MEGF11: variants seen among roughly 807,000 people sequenced by gnomAD.
The protein encoded by MEGF11 is multiple EGF like domains 11.
In MEGF11, 126 loss-of-function variants were observed where a neutral mutation model predicts 146.6. That is an observed-to-expected ratio of 0.86 (90% CI 0.74 to 1.00). The LOEUF (loss-of-function observed/expected upper bound fraction) is 1.00. MEGF11 is among the 50% of genes least tolerant of loss of function. The probability of loss-of-function intolerance (pLI) is 0.00; values close to 1 mark genes in which losing one functional copy is unlikely to be tolerated. For missense variants in MEGF11, 1,509 were observed against 1,521.2 expected (o/e 0.99, Z 0.13); for synonymous variants, 532 against 583.4 (o/e 0.91, Z 1.27).
chr15:66,078,501 G>A (rs562389783), intron 5 of MEGF11, among the ~76,000 whole-genome samples: 26 of 152,226 alleles, frequency 1.7e-4, no homozygotes, highest in Non-Finnish European at 2.5e-4. Context: ...GCTGGCTGGC[G>A]CTGACATTCT....
At chr15:66,057,181 C>T (rs1422846798) in intron 5 of MEGF11, among the ~76,000 whole-genome samples, 2 of 152,138 alleles carry the variant, frequency 1.3e-5, no homozygotes, top group East Asian at 3.9e-4. Context: ...ACTCCCTGCT[C>T]CTGAGAATTC....
Position 65,912,205 on chromosome 15 carries a change from GA to G in MEGF11, c.2711-6del. 8.1e-7 allele frequency: 1 copy of G among 1,230,976 alleles called. No individual in the cohort carries two copies. The highest frequency in any genetic ancestry group is 1.0e-6 in the Non-Finnish European group (1 of 986,898). 76.3% of individuals were successfully genotyped at this position (1,230,976 alleles called of 1,614,324 possible). A position where few individuals can be genotyped will look rare whatever the true frequency, so the allele number is the denominator to read the frequency against. On this transcript the variant is annotated splice_region_variant and splice_polypyrimidine_tract_variant and intron_variant, in intron 20 of 25. Transcript: ENST00000395614. ...GGCTGCTACTTTGAGACAAATCTGG[GA>G]AGAGAACAAGGTGCCACATACCATC...
intron 4 of MEGF11, among the ~76,000 whole-genome samples, chr15:66,100,303 C>A (rs2086735966): frequency 6.6e-6 from 1 of 152,320 alleles, no homozygotes; most frequent in Middle Eastern, 3.4e-3. Context: ...CTCCCCCTAC[C>A]TGCTCCTGAC....
intron 10 of MEGF11, among the ~76,000 whole-genome samples, chr15:65,954,681 A>G (rs1287051478): frequency 6.6e-6 from 1 of 152,218 alleles, no homozygotes; most frequent in Non-Finnish European, 1.5e-5. Flanking sequence ...CTGTGCCCCA[A>G]AGTTCAAGGA....
At chr15:66,234,127 G>A (rs2092036148) in intron 1 of MEGF11, among the ~76,000 whole-genome samples, 1 of 151,872 alleles carries the variant, frequency 6.6e-6, no homozygotes, top group African/African-American at 2.4e-5. Context: ...TCAAACTCCT[G>A]ACCTCAAGTG....
In MEGF11 at chr15:65,970,530, ATAACAGT is replaced by A; in HGVS notation, c.899+16_899+22del. Reference sequence around the variant, plus strand: ...AATATGAGTAAAATGGACAGCAAAGATAACAGTTAACACTATCCTTACCTGTCCCCCA... The same window carrying A: ...AATATGAGTAAAATGGACAGCAAAGATAACACTATCCTTACCTGTCCCCCA... On this transcript the variant is annotated intron_variant, in intron 8 of 25. Transcript: ENST00000395614. 1 of 1,607,674 alleles carries A rather than the reference ATAACAGT, an allele frequency of 6.2e-7. No individual in the cohort carries two copies.
intron 5 of MEGF11, among the ~76,000 whole-genome samples, chr15:66,085,169 G>A (rs1347636613): frequency 1.3e-5 from 2 of 152,084 alleles, no homozygotes; most frequent in Non-Finnish European, 2.9e-5. Context: ...TAGCCGCAGC[G>A]AGATCTGCCC....
chr15:66,148,928 A>T (rs779981716), intron 1 of MEGF11, among the ~76,000 whole-genome samples: 9 of 152,196 alleles, frequency 5.9e-5, no homozygotes, highest in Non-Finnish European at 1.3e-4. Flanking sequence ...GAATAGTAAG[A>T]GGACTTTTAA....
chr15:66,143,311 C>T (rs1192590212), intron 1 of MEGF11, among the ~76,000 whole-genome samples: 1 of 152,196 alleles, frequency 6.6e-6, no homozygotes, highest in Non-Finnish European at 1.5e-5. Context: ...GGAAAGGAGG[C>T]CCTGAGCAGC....
intron 5 of MEGF11, among the ~76,000 whole-genome samples, chr15:66,067,019 G>C (rs1287912930): frequency 1.3e-5 from 2 of 152,112 alleles, no homozygotes; most frequent in Non-Finnish European, 2.9e-5. Context: ...TATCTCTCTG[G>C]GCTTCGGTTT....
At chr15:66,009,505 A>G (rs2082637044) in intron 5 of MEGF11, among the ~76,000 whole-genome samples, 1 of 151,904 alleles carries the variant, frequency 6.6e-6, no homozygotes, top group South Asian at 2.1e-4. Context: ...TAGGTGTCTT[A>G]GGGTGAGTTG....
intron 5 of MEGF11, among the ~76,000 whole-genome samples, chr15:66,079,771 T>C (rs765449881): frequency 2.6e-5 from 4 of 152,166 alleles, no homozygotes; most frequent in Admixed American, 6.5e-5. Context: ...GGCAGCAGCA[T>C]CACAGGAACA....
chr15:65,923,715 G>T (rs769380288), intron 13 of MEGF11, among the ~76,000 whole-genome samples: 2 of 152,188 alleles, frequency 1.3e-5, no homozygotes, highest in African/African-American at 2.4e-5. Flanking sequence ...CCCTCAGTTT[G>T]ACAGAGGCTT....
chr15:66,235,055 C>G (rs1224062402), intron 1 of MEGF11, among the ~76,000 whole-genome samples: 1 of 152,192 alleles, frequency 6.6e-6, no homozygotes, highest in Admixed American at 6.5e-5. Flanking sequence ...GGAGAGGGGG[C>G]GCCACGCTTT....
chr15:66,053,500 G>A (rs1267734897), intron 5 of MEGF11, among the ~76,000 whole-genome samples: 3 of 151,912 alleles, frequency 2.0e-5, no homozygotes, highest in African/African-American at 7.3e-5. Flanking sequence ...TCATTATTTA[G>A]TTCCCCAACC....
At chr15:66,122,769 TTTTTG>T (rs56098342) in intron 3 of MEGF11, among the ~76,000 whole-genome samples, 11 of 150,828 alleles carry the variant, frequency 7.3e-5, no homozygotes, top group Non-Finnish European at 8.9e-5. Flanking sequence ...TATTAAGGCT[TTTTTG>T]TTTTGTTTTG....
chr15:66,201,666 T>C lies in MEGF11; in HGVS notation c.-9+51939A>G, dbSNP rs527448925. ...AAACCTGCCTCCAGGCCGGGTACGG[T>C]GGCTCATGCCTGTAATACCAGCACT... On this transcript the variant is annotated intron_variant, in intron 1 of 25. Coordinates refer to ENST00000395614, the MANE Select transcript of MEGF11 (RefSeq NM_001385028.1). 1.7e-4 allele frequency among the ~76,000 whole-genome samples: 25 copies of C among 149,732 alleles called. 1 individual carries two copies. Among genetic ancestry groups the C allele is most frequent in the African/African-American group, 6.2e-4 (25 of 40,492 alleles).
intron 19 of MEGF11, among the ~76,000 whole-genome samples, chr15:65,914,924 A>C (rs2078940716): frequency 6.6e-6 from 1 of 152,182 alleles, no homozygotes; most frequent in Non-Finnish European, 1.5e-5. Flanking sequence ...TCTCTTACTC[A>C]TACTGTCTCA....
chr15:66,106,271 A>T (rs766029796), intron 4 of MEGF11, among the ~76,000 whole-genome samples: 1 of 152,200 alleles, frequency 6.6e-6, no homozygotes, highest in Non-Finnish European at 1.5e-5. Flanking sequence ...GCAGTTATGC[A>T]CTTGGTACAT....
Sources: gnomAD v4.1 joint callset for allele counts (sites outside exome capture counted in the v4.1 genomes callset) on GRCh38, gnomAD v4.1.1 for gene constraint, MANE v1.5 for transcripts, NCBI Gene and HGNC (gene_info 2026-07-23, HGNC 2026-07-21) for gene names.